MGA: variants seen among roughly 807,000 people sequenced by gnomAD.
The protein encoded by MGA is MAX dimerization protein MGA.
MGA carries 40 observed loss-of-function variants against 261.1 expected under a neutral mutation model. That is an observed-to-expected ratio of 0.15 (90% CI 0.12 to 0.20). The LOEUF (loss-of-function observed/expected upper bound fraction) is 0.20, where lower values mean the gene tolerates loss of function less well. MGA is among the 10% of genes least tolerant of loss of function. The probability of loss-of-function intolerance (pLI) is 1.00; values close to 1 mark genes in which losing one functional copy is unlikely to be tolerated. For synonymous variants in MGA, 1,302 were observed against 1,290.6 expected, an observed-to-expected ratio of 1.01 and a Z score of -0.19; for missense variants, 3,397 against 3,630.5, an observed-to-expected ratio of 0.94 and a Z score of 1.65.
intron 1 of MGA, among the ~76,000 whole-genome samples, chr15:41,665,058 A>C (rs556790076): frequency 3.3e-5 from 5 of 152,326 alleles, no homozygotes; most frequent in African/African-American, 9.6e-5. Flanking sequence ...ATAGGAAACA[A>C]TAGTAAACCT....
At chr15:41,670,746 T>G (rs1179650057) in intron 2 of MGA, among the ~76,000 whole-genome samples, 1 of 152,172 alleles carries the variant, frequency 6.6e-6, no homozygotes, top group Non-Finnish European at 1.5e-5. Flanking sequence ...GACCTCATGA[T>G]CTGCCCGCCT....
chr15:41,708,056 A>G, intron 6 of MGA, 48 bp from the exon 7 acceptor site: 2 of 1,475,564 alleles, frequency 1.4e-6, no homozygotes, highest in Non-Finnish European at 1.8e-6. Flanking sequence ...GGTCCATAAT[A>G]TTGGCCTGCT....
intron 2 of MGA, among the ~76,000 whole-genome samples, chr15:41,674,835 A>C (rs2058290956): frequency 6.6e-6 from 1 of 152,202 alleles, no homozygotes; most frequent in South Asian, 2.1e-4. Flanking sequence ...AATATTTTTA[A>C]AGCCACTGAT....
rs1256668142 is a variant in MGA at position 41,760,479 on chromosome 15, T to C, written c.7348T>C (p.Leu2450=). Residue 2450 remains leucine, a synonymous_variant, in exon 20 of 24, where the codon TTG becomes CTG. Coordinates refer to ENST00000219905, the MANE Select transcript of MGA (RefSeq NM_001164273.2). Reference sequence around the variant, plus strand: ...TCTCTTTGAGAAATTAAAGATCACATTGGGATTACTTCATTCTTCCAAGGT... The same window carrying C: ...TCTCTTTGAGAAATTAAAGATCACACTGGGATTACTTCATTCTTCCAAGGT... 2 of 1,613,916 alleles carry C rather than the reference T, an allele frequency of 1.2e-6. No individual in the cohort carries two copies. Among genetic ancestry groups the C allele is most frequent in the Non-Finnish European group, 1.7e-6 (2 of 1,179,902 alleles).
chr15:41,694,174 T>G (rs2059430271), intron 2 of MGA, among the ~76,000 whole-genome samples: 1 of 152,022 alleles, frequency 6.6e-6, no homozygotes, highest in East Asian at 1.9e-4. Context: ...TCCCAACACT[T>G]TGGGAGGCTG....
chr15:41,686,494 C>CCACT, intron 2 of MGA, among the ~76,000 whole-genome samples: 1 of 152,178 alleles, frequency 6.6e-6, no homozygotes, highest in South Asian at 2.1e-4. Context: ...CATGGTTGTA[C>CCACT]CACTGCATGG....
intron 9 of MGA, among the ~76,000 whole-genome samples, chr15:41,719,812 T>TA (rs1460065099): frequency 2.0e-5 from 3 of 152,172 alleles, no homozygotes; most frequent in African/African-American, 7.2e-5. Context: ...TCCATATGTA[T>TA]AAAATACATA....
intron 8 of MGA, among the ~76,000 whole-genome samples, chr15:41,712,262 C>G (rs1489956133): frequency 6.6e-6 from 1 of 151,800 alleles, no homozygotes; most frequent in Non-Finnish European, 1.5e-5. Flanking sequence ...GAGACAATGT[C>G]TCACTCTTGT....
At chr15:41,648,304 ATTACT>A (rs2056974231) in intron 1 of MGA, among the ~76,000 whole-genome samples, 1 of 152,198 alleles carries the variant, frequency 6.6e-6, no homozygotes, top group East Asian at 1.9e-4. Flanking sequence ...CCTTGAACAA[ATTACT>A]TAACCTCTCT....
At chr15:41,713,075 C>T (rs1341636273) in intron 8 of MGA, 76 bp from the exon 9 acceptor site, 1 of 1,548,172 alleles carries the variant, frequency 6.5e-7, no homozygotes. Flanking sequence ...GTAATGCAGT[C>T]CAGTATATGA....
chr15:41,701,555 T>TG (rs1212419572), intron 5 of MGA, among the ~76,000 whole-genome samples: 12 of 152,160 alleles, frequency 7.9e-5, no homozygotes, highest in South Asian at 2.1e-4. Flanking sequence ...AGCCTGAATT[T>TG]GGGGGGTAGA....
At chr15:41,688,131 AGTG>A (rs1330962536) in intron 2 of MGA, among the ~76,000 whole-genome samples, 1 of 152,228 alleles carries the variant, frequency 6.6e-6, no homozygotes, top group Non-Finnish European at 1.5e-5. Context: ...GCTGGAGTGC[AGTG>A]GTGCGATGTT....
At chr15:41,653,347 TGACA>T (rs1437294725) in intron 1 of MGA, among the ~76,000 whole-genome samples, 1 of 148,654 alleles carries the variant, frequency 6.7e-6, no homozygotes, top group Non-Finnish European at 1.5e-5. Context: ...CCAGCCTGGG[TGACA>T]GACCGAGACT....
intron 5 of MGA, among the ~76,000 whole-genome samples, chr15:41,702,769 G>C (rs1259909799): frequency 6.6e-6 from 1 of 152,066 alleles, no homozygotes; most frequent in African/African-American, 2.4e-5. Flanking sequence ...TTTTAAGTCT[G>C]TTAGCTTATC....
intron 10 of MGA, 114 bp downstream of exon 10, chr15:41,727,520 T>C (rs2061312663): frequency 2.1e-6 from 2 of 952,984 alleles, no homozygotes; most frequent in Non-Finnish European, 3.2e-6. Flanking sequence ...TTCAGTAATA[T>C]GTTTATAAGA....
At chr15:41,739,812 T>C (rs917034394) in intron 13 of MGA, 94 bp from the exon 14 acceptor site, 1 of 1,242,682 alleles carries the variant, frequency 8.0e-7, no homozygotes, top group African/African-American at 1.5e-5. Context: ...AAAATAGACT[T>C]ATGAAAACTT....
intron 2 of MGA, among the ~76,000 whole-genome samples, chr15:41,681,404 T>G (rs549042511): frequency 2.0e-5 from 3 of 151,934 alleles, no homozygotes; most frequent in Admixed American, 6.6e-5. Context: ...ACTCTGTTTT[T>G]TTTTTTTTTT....
rs1015668654 is a variant in MGA at position 41,700,018 on chromosome 15, G to A, written c.2188+859G>A. On this transcript the variant is annotated intron_variant, in intron 5 of 23. Coordinates refer to ENST00000219905, the MANE Select transcript of MGA (RefSeq NM_001164273.2). ...TATACATGTGCTATGGTGGTTTCCT[G>A]TACCTATCAACCTGTCATCGAGGTT... Among the ~76,000 whole-genome samples, 9 of 136,330 alleles carry A rather than the reference G, an allele frequency of 6.6e-5. No homozygotes were observed. The Admixed American group carries it at 6.8e-4, about 10-fold the overall frequency. The allele number at this position is 136,330 out of a possible 152,430, so 89.4% of individuals were successfully genotyped here.
intron 5 of MGA, among the ~76,000 whole-genome samples, chr15:41,703,371 C>A (rs1270555970): frequency 7.5e-6 from 1 of 134,018 alleles, no homozygotes; most frequent in African/African-American, 2.7e-5. Context: ...TGAAGTTACC[C>A]CCCCCCCCAC....
Sources: allele counts gnomAD v4.1 joint callset (sites outside exome capture counted in the v4.1 genomes callset), GRCh38; gene constraint gnomAD v4.1.1; transcripts MANE v1.5; gene names NCBI Gene and HGNC (gene_info 2026-07-23, HGNC 2026-07-21).